Variants in SEC22C observed in about 807,000 individuals in gnomAD.
SEC22C encodes the protein vesicle-trafficking protein SEC22c.
SEC22C carries 29 observed loss-of-function variants against 34.7 expected under a neutral mutation model. That is an observed-to-expected ratio of 0.84 (90% CI 0.62 to 1.14). The LOEUF is 1.14. Ranked by LOEUF, SEC22C falls within the 50% of genes most tolerant of loss-of-function variation. The pLI is 0.00. For synonymous variants in SEC22C, 117 were observed against 132.8 expected (o/e 0.88, Z 0.82); for missense variants, 337 against 369.0 (o/e 0.91, Z 0.71).
rs1015833845 is a variant in SEC22C at position 42,576,734 on chromosome 3, G to GA, written c.-28+5111dup. Among the ~76,000 whole-genome samples, 67 of 140,580 alleles carry GA rather than the reference G, an allele frequency of 4.8e-4. No individual in the cohort carries two copies. The South Asian group carries it at 8.8e-3, about 19-fold the overall frequency. 92.2% of individuals were successfully genotyped at this position (140,580 alleles called of 152,430 possible). On this transcript the variant is annotated intron_variant, in intron 1 of 6. Transcript: ENST00000264454. The stretch of plus-strand genomic sequence containing the variant: ...GATATACAGGTTTAATACAACTACT[G>GA]AAAAAAAAAAATAAGCAAGCGAGTT...
Position 42,568,789 on chromosome 3 carries a change from T to A in SEC22C, c.182+76A>T, listed in dbSNP as rs112199482. 2.5e-4 allele frequency: 310 copies of A among 1,229,394 alleles called. 1 individual carries two copies. Among genetic ancestry groups the A allele is most frequent in the Non-Finnish European group, 2.4e-4 (205 of 848,164 alleles). The allele number at this position is 1,229,394 out of a possible 1,614,324, so 76.2% of individuals were successfully genotyped here. On this transcript the variant is annotated intron_variant, in intron 2 of 6. Coordinates refer to ENST00000264454, the MANE Select transcript of SEC22C (RefSeq NM_032970.4). ...CTTTTAATACACAATGTGATCAGCATAAGATTATCACTACATGTAGTTAAA... is the reference window on the plus strand; with the variant it reads ...CTTTTAATACACAATGTGATCAGCAAAAGATTATCACTACATGTAGTTAAA...
At position 42,593,336 on chromosome 3, in the gene SEC22C, G is replaced by A. The variant is rs192837307; in HGVS notation, c.-28+7624C>T. ...GGAGGCCGAGGCAGGAGAATTGCTTGAACCCAGGAGGTGGAGGTTGCAGTG... is the reference window on the plus strand; with the variant it reads ...GGAGGCCGAGGCAGGAGAATTGCTTAAACCCAGGAGGTGGAGGTTGCAGTG... On this transcript the variant is annotated intron_variant, in intron 1 of 6. Transcript: ENST00000417572. 3.3e-3 allele frequency among the ~76,000 whole-genome samples: 496 copies of A among 152,320 alleles called. 1 individual carries two copies. Among genetic ancestry groups the A allele is most frequent in the African/African-American group, 0.011 (468 of 41,562 alleles).
chr3:42,569,488 T>C (rs1703476547), intron 1 of SEC22C, among the ~76,000 whole-genome samples: 2 of 152,188 alleles, frequency 1.3e-5, no homozygotes, highest in Non-Finnish European at 2.9e-5. Context: ...TTGATGTCAG[T>C]GACCTGTGAA....
intron 1 of SEC22C, among the ~76,000 whole-genome samples, chr3:42,576,152 T>G (rs893743916): frequency 1.3e-5 from 2 of 151,902 alleles, no homozygotes; most frequent in African/African-American, 4.8e-5. Flanking sequence ...AAAAAATACA[T>G]TGAACTAGAT....
chr3:42,577,358 C>A lies in SEC22C; in HGVS notation c.-28+4488G>T, dbSNP rs139140856. Among the ~76,000 whole-genome samples, 61 of 152,166 alleles carry A rather than the reference C, an allele frequency of 4.0e-4. No individual in the cohort carries two copies. The East Asian group carries it at 0.011, about 28-fold the overall frequency. On this transcript the variant is annotated intron_variant, in intron 1 of 6. Coordinates refer to ENST00000264454, the MANE Select transcript of SEC22C (RefSeq NM_032970.4). ...GAAATTGGGAGAAAATATCTGTAAA[C>A]CACATATCTGATAAGCAACTCAAAT...
At chr3:42,561,057 A>G in intron 4 of SEC22C, 60 bp downstream of exon 4, 3 of 1,528,158 alleles carry the variant, frequency 2.0e-6, no homozygotes, top group Admixed American at 2.0e-5. Flanking sequence ...AAAAAAATCA[A>G]CGTCCATTTG....
At chr3:42,560,161 TTATA>T (rs1330187338) in intron 4 of SEC22C, among the ~76,000 whole-genome samples, 3 of 145,478 alleles carry the variant, frequency 2.1e-5, no homozygotes, top group Non-Finnish European at 3.0e-5. Flanking sequence ...TTTATATATA[TTATA>T]TATATTTTAT....
At position 42,552,153 on chromosome 3, in the gene SEC22C, G is replaced by C; in HGVS notation, c.*1095C>G. 4 of 985,204 alleles carry C rather than the reference G, an allele frequency of 4.1e-6. No homozygotes were observed. Among genetic ancestry groups the C allele is most frequent in the Non-Finnish European group, 4.8e-6 (4 of 829,724 alleles). The allele number at this position is 985,204 out of a possible 1,614,324, so 61.0% of individuals were successfully genotyped here. A position where few individuals can be genotyped will look rare whatever the true frequency, so the allele number is the denominator to read the frequency against. On this transcript the variant is annotated 3_prime_UTR_variant, in exon 7 of 7. Transcript: ENST00000264454. ...GAAAGAGAGTAACTTTCCAGAGTAT[G>C]TGTTAATTATATCTCTATCAAGCTT...
At chr3:42,589,813 AG>A (rs1053986215) in intron 1 of SEC22C, among the ~76,000 whole-genome samples, 3 of 152,194 alleles carry the variant, frequency 2.0e-5, no homozygotes, top group African/African-American at 7.2e-5. Flanking sequence ...GGTGCCAAAA[AG>A]GCTGGGGACC....
At chr3:42,584,468 T>C (rs984978176), upstream of SEC22C, among the ~76,000 whole-genome samples, 12 of 152,076 alleles carry the variant, frequency 7.9e-5, no homozygotes, top group African/African-American at 2.9e-4. Context: ...ATTGGCCAGT[T>C]TGGTCTCGAA....
At chr3:42,581,548 C>T (rs980238970) in intron 1 of SEC22C, among the ~76,000 whole-genome samples, 1 of 152,274 alleles carries the variant, frequency 6.6e-6, no homozygotes, top group African/African-American at 2.4e-5. Flanking sequence ...TCCCCTTTCT[C>T]ACTCCCCATC....
chr3:42,552,627 C>G lies in SEC22C; in HGVS notation c.*621G>C, dbSNP rs996163629. 1 of 984,056 alleles carries G rather than the reference C, an allele frequency of 1.0e-6. No homozygotes were observed. The highest frequency in any genetic ancestry group is 1.2e-6 in the Non-Finnish European group (1 of 828,724). 61.0% of individuals were successfully genotyped at this position (984,056 alleles called of 1,614,324 possible). On this transcript the variant is annotated 3_prime_UTR_variant, in exon 7 of 7. Coordinates refer to ENST00000264454, the MANE Select transcript of SEC22C (RefSeq NM_032970.4). The stretch of plus-strand genomic sequence containing the variant: ...ATTAAATAAACTCAGATTTCTTAAC[C>G]ATTTTCTCAGCTTAAGTTTGCCCTC...
At chr3:42,574,630 C>T (rs767204985) in intron 1 of SEC22C, among the ~76,000 whole-genome samples, 3 of 152,020 alleles carry the variant, frequency 2.0e-5, no homozygotes, top group Non-Finnish European at 4.4e-5. Flanking sequence ...CGTAAAGGAA[C>T]TATTTAAGAC....
At chr3:42,555,894 G>T in intron 6 of SEC22C, 36 bp downstream of exon 6, 1 of 1,519,008 alleles carries the variant, frequency 6.6e-7, no homozygotes, top group Non-Finnish European at 9.1e-7. Context: ...TAAGGTCATG[G>T]ATTTAATCCA....
chr3:42,557,700 C>A lies in SEC22C; in HGVS notation c.527-4G>T. 6.8e-7 allele frequency: 1 copy of A among 1,477,190 alleles called. No homozygotes were observed. Among genetic ancestry groups the A allele is most frequent in the Non-Finnish European group, 9.4e-7 (1 of 1,066,652 alleles). 91.5% of individuals were successfully genotyped at this position (1,477,190 alleles called of 1,614,324 possible). On this transcript the variant is annotated splice_polypyrimidine_tract_variant and splice_region_variant and intron_variant, in intron 4 of 6. Coordinates refer to ENST00000264454, the MANE Select transcript of SEC22C (RefSeq NM_032970.4). ...GGTTCCATTCGGAAATTAGGAGCTT[C>A]ACAATGGAAAAAAAACAAGTGTCTA... is the stretch of plus-strand genomic sequence containing the variant.
chr3:42,585,508 C>G (rs370058503), upstream of SEC22C, among the ~76,000 whole-genome samples: 3 of 152,216 alleles, frequency 2.0e-5, no homozygotes, highest in Non-Finnish European at 4.4e-5. Flanking sequence ...CATGGTTTCT[C>G]TAGCCTGCAG....
intron 1 of SEC22C, among the ~76,000 whole-genome samples, chr3:42,579,149 T>C (rs1015374850): frequency 6.6e-6 from 1 of 152,092 alleles, no homozygotes; most frequent in African/African-American, 2.4e-5. Context: ...TGGTGGTACA[T>C]GCCTGTAATC....
upstream of SEC22C, among the ~76,000 whole-genome samples, chr3:42,584,261 C>T (rs369606699): frequency 6.6e-6 from 1 of 152,124 alleles, no homozygotes; most frequent in Non-Finnish European, 1.5e-5. Flanking sequence ...GGGCTGAACA[C>T]AGACTTTTTT....
At chr3:42,579,171 G>A (rs1704152190) in intron 1 of SEC22C, among the ~76,000 whole-genome samples, 1 of 152,162 alleles carries the variant, frequency 6.6e-6, no homozygotes, top group African/African-American at 2.4e-5. Flanking sequence ...CAGCTATTCA[G>A]AAGGCTGAGG....
Sources: gnomAD v4.1 joint callset for allele counts (sites outside exome capture counted in the v4.1 genomes callset) on GRCh38, gnomAD v4.1.1 for gene constraint, MANE v1.5 for transcripts, NCBI Gene and HGNC (gene_info 2026-07-23, HGNC 2026-07-21) for gene names.